Variants in ZNF787 observed in about 807,000 individuals in gnomAD.
ZNF787 encodes the protein zinc finger protein 787, also known as TTF-I-interacting peptide 20.
ZNF787 carries 7 observed loss-of-function variants against 16.9 expected under a neutral mutation model. The observed-to-expected ratio is 0.42, with a 90% CI of 0.24 to 0.78. The LOEUF is 0.78. Among genes scored for constraint, ZNF787 ranks in the 30% least tolerant of loss-of-function variants. The pLI, the probability that ZNF787 is intolerant of heterozygous loss-of-function variation, is 0.30. For synonymous variants in ZNF787, 345 were observed against 270.9 expected (o/e 1.27, Z -2.69); for missense variants, 551 against 589.3 (o/e 0.94, Z 0.67).
chr19:56,092,121 T>C (rs1985626302), intron 2 of ZNF787, among the ~76,000 whole-genome samples: 1 of 151,572 alleles, frequency 6.6e-6, no homozygotes, highest in African/African-American at 2.4e-5. Flanking sequence ...CAGCACCATC[T>C]TTAAAGGGAT....
At chr19:56,108,054 G>A (rs773525548) in intron 1 of ZNF787, among the ~76,000 whole-genome samples, 5 of 152,176 alleles carry the variant, frequency 3.3e-5, no homozygotes, top group Non-Finnish European at 4.4e-5. Context: ...CGAGACCCTC[G>A]GGTCCCCTGC....
intron 2 of ZNF787, among the ~76,000 whole-genome samples, chr19:56,090,588 G>A (rs752960989): frequency 5.3e-5 from 8 of 152,120 alleles, no homozygotes; most frequent in Non-Finnish European, 1.0e-4. Flanking sequence ...TTAGGAGGCC[G>A]AGGTGGGCAG....
chr19:56,095,530 A>G (rs1293784416), intron 2 of ZNF787, among the ~76,000 whole-genome samples: 2 of 152,184 alleles, frequency 1.3e-5, no homozygotes, highest in African/African-American at 4.8e-5. Context: ...AGGTTCTCAC[A>G]CAGCAGGTAA....
At chr19:56,111,981 C>T (rs1297134412) in intron 1 of ZNF787, among the ~76,000 whole-genome samples, 1 of 152,170 alleles carries the variant, frequency 6.6e-6, no homozygotes, top group African/African-American at 2.4e-5. Flanking sequence ...TCATTCAATG[C>T]TCCCCAGTTC....
chr19:56,114,805 A>C (rs994577270), intron 1 of ZNF787, among the ~76,000 whole-genome samples: 1 of 151,254 alleles, frequency 6.6e-6, no homozygotes, highest in South Asian at 2.1e-4. Context: ...CTGCCCTGGT[A>C]CCCATGGCTG....
chr19:56,094,408 A>C (rs1032905866), intron 2 of ZNF787, among the ~76,000 whole-genome samples: 18 of 151,464 alleles, frequency 1.2e-4, no homozygotes, highest in Admixed American at 5.2e-4. Flanking sequence ...TCCTGGCCTC[A>C]AGTGATCCAC....
At chr19:56,091,838 G>A (rs1012040924) in intron 2 of ZNF787, among the ~76,000 whole-genome samples, 1 of 152,226 alleles carries the variant, frequency 6.6e-6, no homozygotes, top group African/African-American at 2.4e-5. Flanking sequence ...GGCACAGACT[G>A]GTTTCTGACA....
Position 56,103,197 on chromosome 19 carries a change from G to T in ZNF787, c.21C>A (p.Ala7=). The T allele has an allele frequency of 6.4e-7, 1 of 1,566,284 alleles. No individual in the cohort carries two copies. The highest frequency in any genetic ancestry group is 8.7e-7 in the Non-Finnish European group (1 of 1,155,978). Residue 7 remains alanine, a synonymous_variant, in exon 2 of 3, where the codon GCC becomes GCA. Coordinates refer to ENST00000610935, the MANE Select transcript of ZNF787 (RefSeq NM_001002836.4). ...CAGAATCCAGCGGCCCCGGAGACCAGGCTTCTTCCCGCAGCTCCATGTCTG... is the reference window on the plus strand; with the variant it reads ...CAGAATCCAGCGGCCCCGGAGACCATGCTTCTTCCCGCAGCTCCATGTCTG... MELREE[A]WSPGPLDSED...
At chr19:56,097,410 T>G (rs1402831685) in intron 2 of ZNF787, among the ~76,000 whole-genome samples, 1 of 152,206 alleles carries the variant, frequency 6.6e-6, no homozygotes, top group Non-Finnish European at 1.5e-5. Context: ...CAATCTCACA[T>G]GCAGTTCTTC....
intron 1 of ZNF787, among the ~76,000 whole-genome samples, chr19:56,116,420 C>A (rs1159490755): frequency 6.6e-6 from 1 of 151,890 alleles, no homozygotes; most frequent in Non-Finnish European, 1.5e-5. Context: ...CCAGCCTGGG[C>A]GACGGAGTGA....
At chr19:56,103,271 C>A in intron 1 of ZNF787, 44 bp from the exon 2 acceptor site, 1 of 1,490,558 alleles carries the variant, frequency 6.7e-7, no homozygotes, top group Non-Finnish European at 9.0e-7. Context: ...TTATGGGGTG[C>A]CAGGCTGCAC....
At chr19:56,101,229 A>G (rs1234747673) in intron 2 of ZNF787, among the ~76,000 whole-genome samples, 2 of 152,236 alleles carry the variant, frequency 1.3e-5, no homozygotes, top group South Asian at 2.1e-4. Context: ...GGGGGGACGC[A>G]TGTAGGCGGG....
At chr19:56,089,775 C>T (rs750927269) in intron 2 of ZNF787, among the ~76,000 whole-genome samples, 2 of 152,196 alleles carry the variant, frequency 1.3e-5, no homozygotes, top group South Asian at 2.1e-4. Flanking sequence ...GAGGACAATT[C>T]GGGCACACAG....
At chr19:56,093,636 C>G (rs943159215) in intron 2 of ZNF787, among the ~76,000 whole-genome samples, 4 of 152,158 alleles carry the variant, frequency 2.6e-5, no homozygotes, top group African/African-American at 9.7e-5. Context: ...AGGAAGGGCA[C>G]AGAGGAACGG....
intron 2 of ZNF787, among the ~76,000 whole-genome samples, chr19:56,093,082 G>A (rs1225130231): frequency 6.6e-6 from 1 of 151,332 alleles, no homozygotes; most frequent in Non-Finnish European, 1.5e-5. Context: ...CGGGGTAGCG[G>A]AAGTGGAATA....
chr19:56,096,830 G>A (rs769952141), intron 2 of ZNF787, among the ~76,000 whole-genome samples: 47 of 152,306 alleles, frequency 3.1e-4, no homozygotes, highest in Non-Finnish European at 4.3e-4. Context: ...GTAAGACACC[G>A]GCTGAAGCTT....
Position 56,087,837 on chromosome 19 carries a change from G to T in ZNF787, c.*186C>A. ...GGGCAGAGTCTCGAGGCGGAGAAGTGAACGGGCCCTAATACGCCCCAGTGC... is the reference window on the plus strand; with the variant it reads ...GGGCAGAGTCTCGAGGCGGAGAAGTTAACGGGCCCTAATACGCCCCAGTGC... On this transcript the variant is annotated 3_prime_UTR_variant, in exon 3 of 3. Transcript: ENST00000610935. 1 of 966,702 alleles carries T rather than the reference G, an allele frequency of 1.0e-6. No individual in the cohort carries two copies. Among genetic ancestry groups the T allele is most frequent in the Non-Finnish European group, 1.3e-6 (1 of 746,316 alleles). 59.9% of individuals were successfully genotyped at this position (966,702 alleles called of 1,614,324 possible).
chr19:56,102,766 G>C (rs575586831), intron 2 of ZNF787: 28 of 610,944 alleles, frequency 4.6e-5, no homozygotes, highest in Non-Finnish European at 7.9e-5. Context: ...GAGGGCCACA[G>C]GCCCGCCTGG....
chr19:56,117,470 G>A (rs372120811), intron 1 of ZNF787, among the ~76,000 whole-genome samples: 3 of 149,926 alleles, frequency 2.0e-5, no homozygotes, highest in South Asian at 4.2e-4. Flanking sequence ...TTCCACAAGC[G>A]GAGTGGCTAG....
Sources: allele counts gnomAD v4.1 joint callset (sites outside exome capture counted in the v4.1 genomes callset), GRCh38; gene constraint gnomAD v4.1.1; transcripts MANE v1.5; gene names NCBI Gene and HGNC (gene_info 2026-07-23, HGNC 2026-07-21).